CCDC171: variants seen among roughly 807,000 people sequenced by gnomAD.
CCDC171 encodes coiled-coil domain containing 171, also known as coiled-coil domain-containing protein 171.
Under a neutral mutation model 168.2 loss-of-function variants are expected in CCDC171, and 177 were observed. The ratio of observed to expected loss-of-function variants is 1.05; its 90% CI spans 0.93 to 1.19. The LOEUF is 1.19. CCDC171 is among the 50% of genes most tolerant of loss of function. The probability of loss-of-function intolerance (pLI) is 0.00; values close to 1 mark genes in which losing one functional copy is unlikely to be tolerated. For missense variants in CCDC171, 1,991 were observed against 1,539.0 expected (o/e 1.29, Z -4.91); for synonymous variants, 687 against 540.8 (o/e 1.27, Z -3.75).
chr9:15,649,390 T>G (rs1396506719), intron 7 of CCDC171, among the ~76,000 whole-genome samples: 4 of 151,934 alleles, frequency 2.6e-5, no homozygotes, highest in East Asian at 1.9e-4. Context: ...AAGCCAAAAT[T>G]GACAAATGGG....
chr9:15,845,608 A>T (rs1205502128), intron 21 of CCDC171: 1 of 152,016 alleles, frequency 6.6e-6, no homozygotes, highest in African/African-American at 2.4e-5. Flanking sequence ...TTACACATGA[A>T]ATTATAACAT....
chr9:16,097,009 AAAG>A, the CCDC171 span, among the ~76,000 whole-genome samples: 2 of 152,186 alleles, frequency 1.3e-5, no homozygotes, highest in African/African-American at 4.8e-5. Flanking sequence ...AGAAATTCGG[AAAG>A]AAGAAGAGAG....
chr9:15,665,279 G>A (rs2048651905), intron 8 of CCDC171, among the ~76,000 whole-genome samples: 1 of 152,110 alleles, frequency 6.6e-6, no homozygotes. Flanking sequence ...GGCGCCGGCT[G>A]CCTCCAGACT....
intron 23 of CCDC171, among the ~76,000 whole-genome samples, chr9:15,862,280 G>T (rs115781336): frequency 3.3e-5 from 5 of 150,882 alleles, no homozygotes; most frequent in Non-Finnish European, 7.4e-5. Flanking sequence ...CTCCGACTGG[G>T]TGATTTCACG....
chr9:16,009,530 C>T (rs1444560981), intron 3 of CCDC171, among the ~76,000 whole-genome samples: 5 of 152,100 alleles, frequency 3.3e-5, no homozygotes, highest in Admixed American at 6.5e-5. Flanking sequence ...ATCTTGGACC[C>T]GTTATCTTTA....
intron 6 of CCDC171, among the ~76,000 whole-genome samples, chr9:16,032,824 C>A (rs552387325): frequency 6.6e-6 from 1 of 152,236 alleles, no homozygotes; most frequent in Admixed American, 6.5e-5. Context: ...GCTCCTAGAA[C>A]CTGAGGAAGG....
intron 23 of CCDC171, among the ~76,000 whole-genome samples, chr9:15,851,422 A>C (rs1039641355): frequency 2.0e-5 from 1 of 49,796 alleles, no homozygotes; most frequent in Non-Finnish European, 3.9e-5. Context: ...ATTTTAAAAG[A>C]CACTCTTTTG....
the CCDC171 span, among the ~76,000 whole-genome samples, chr9:16,076,651 C>T: frequency 6.6e-6 from 1 of 152,210 alleles, no homozygotes; most frequent in African/African-American, 2.4e-5. Flanking sequence ...CTCTCCTTTT[C>T]TCCATGCACT....
chr9:16,023,105 T>C (rs529186264), intron 6 of CCDC171, among the ~76,000 whole-genome samples: 4 of 152,106 alleles, frequency 2.6e-5, no homozygotes, highest in Non-Finnish European at 5.9e-5. Context: ...GTATTCTTTT[T>C]TTTTTTTAAA....
At position 15,722,921 on chromosome 9, in the gene CCDC171, G is replaced by T. The variant is rs1160217887; in HGVS notation, c.1426-760G>T. ...TTTATGAAACTCTTCTGAGGCCTAG[G>T]TCTGGAAGCTGCAGGGTAACTAGGA... On this transcript the variant is annotated intron_variant, in intron 12 of 25. Transcript: ENST00000380701. Among the ~76,000 whole-genome samples, 3 of 152,158 alleles carry T rather than the reference G, an allele frequency of 2.0e-5. No homozygotes were observed. The East Asian group carries it at 5.8e-4, about 29-fold the overall frequency.
Position 15,872,416 on chromosome 9 carries a change from A to G in CCDC171, c.3469-2116A>G, listed in dbSNP as rs78375439. ...GTATGTCAAGCTTCGTGGATGAAGT[A>G]TGGTGCCTGATGCTAATCAGGTTAA... On this transcript the variant is annotated intron_variant, in intron 23 of 25. Transcript: ENST00000380701. Among the ~76,000 whole-genome samples, 57 of 152,130 alleles carry G rather than the reference A, an allele frequency of 3.7e-4. No individual in the cohort carries two copies. The East Asian group carries it at 0.01, about 28-fold the overall frequency.
intron 7 of CCDC171, among the ~76,000 whole-genome samples, chr9:15,631,777 T>C (rs2045728098): frequency 6.6e-6 from 1 of 152,136 alleles, no homozygotes; most frequent in Non-Finnish European, 1.5e-5. Flanking sequence ...CTCAGTAAAA[T>C]ACTGGCAAAC....
intron 3 of CCDC171, among the ~76,000 whole-genome samples, chr9:15,994,739 T>G (rs1832316846): frequency 6.6e-6 from 1 of 152,218 alleles, no homozygotes; most frequent in Non-Finnish European, 1.5e-5. Context: ...ATCTCAGTCA[T>G]CACTATTCTT....
At position 16,048,875 on chromosome 9, in the gene CCDC171, G is replaced by C. The variant is rs775460427; in HGVS notation, n.89+5989G>C. Among the ~76,000 whole-genome samples the C allele has an allele frequency of 2.3e-4, 35 of 151,776 alleles. 1 individual carries two copies. Among genetic ancestry groups the C allele is most frequent in the South Asian group, 6.3e-4 (3 of 4,796 alleles). On this transcript the variant is annotated intron_variant and non_coding_transcript_variant, in intron 1 of 1. Coordinates refer to the CCDC171 transcript ENST00000478913. Reference sequence around the variant, plus strand: ...ACAGGCAGTATTAACAAGGGTTTCAGGGAGGCATTTAGACCACACAATAGG... The same window carrying C: ...ACAGGCAGTATTAACAAGGGTTTCACGGAGGCATTTAGACCACACAATAGG...
intron 16 of CCDC171, among the ~76,000 whole-genome samples, chr9:15,737,513 A>G (rs1357677904): frequency 1.3e-5 from 2 of 152,144 alleles, no homozygotes; most frequent in Admixed American, 6.6e-5. Flanking sequence ...AATATTGCTA[A>G]TTTTCCACAG....
intron 21 of CCDC171, among the ~76,000 whole-genome samples, chr9:15,790,573 T>C (rs1227721104): frequency 6.6e-6 from 1 of 152,256 alleles, no homozygotes; most frequent in Non-Finnish European, 1.5e-5. Flanking sequence ...GGTAGTTTCT[T>C]TTGCTGTGCA....
intron 7 of CCDC171, among the ~76,000 whole-genome samples, chr9:15,640,904 A>G (rs1298606024): frequency 2.6e-5 from 4 of 152,144 alleles, no homozygotes; most frequent in Admixed American, 6.6e-5. Context: ...AAAAGATAGT[A>G]TTAACAAGTG....
intron 25 of CCDC171, among the ~76,000 whole-genome samples, chr9:15,958,280 T>A (rs551444828): frequency 6.6e-6 from 1 of 152,232 alleles, no homozygotes; most frequent in Admixed American, 6.5e-5. Context: ...GCACTATTCA[T>A]TAGAACTTAC....
At chr9:15,679,555 T>C (rs2049893799) in intron 10 of CCDC171, among the ~76,000 whole-genome samples, 1 of 152,194 alleles carries the variant, frequency 6.6e-6, no homozygotes, top group African/African-American at 2.4e-5. Flanking sequence ...ACACATCTTT[T>C]CTTTTCTTTT....
Sources: allele counts gnomAD v4.1 joint callset (sites outside exome capture counted in the v4.1 genomes callset), GRCh38; gene constraint gnomAD v4.1.1; transcripts MANE v1.5; gene names NCBI Gene and HGNC (gene_info 2026-07-23, HGNC 2026-07-21).